LGSN: variants seen among roughly 807,000 people sequenced by gnomAD.
LGSN encodes the protein lengsin.
A neutral mutation model predicts 19.5 loss-of-function variants in LGSN; 21 were observed. The ratio of observed to expected loss-of-function variants is 1.07; its 90% CI spans 0.76 to 1.55. The LOEUF is 1.55. Ranked by LOEUF, LGSN falls within the 40% of genes most tolerant of loss-of-function variation. The probability of loss-of-function intolerance (pLI) is 0.00; values close to 1 mark genes in which losing one functional copy is unlikely to be tolerated. For synonymous variants in LGSN, 257 were observed against 215.6 expected, an observed-to-expected ratio of 1.19 and a Z score of -1.68; for missense variants, 673 against 608.5, an observed-to-expected ratio of 1.11 and a Z score of -1.12.
the LGSN span, among the ~76,000 whole-genome samples, chr6:63,409,929 G>A: frequency 1.2e-4 from 19 of 152,142 alleles, no homozygotes; most frequent in African/African-American, 2.4e-4. Flanking sequence ...CCAGCTATTC[G>A]GGAGGCTGAG....
At chr6:63,412,526 G>GA in the LGSN span, among the ~76,000 whole-genome samples, 6,213 of 75,114 alleles carry the variant, frequency 0.083, 194 homozygotes, top group East Asian at 0.11. Context: ...AAGAAAGAAA[G>GA]AAGGAAAGAA....
At chr6:63,432,374 C>A in the LGSN span, among the ~76,000 whole-genome samples, 1 of 152,012 alleles carries the variant, frequency 6.6e-6, no homozygotes, top group Non-Finnish European at 1.5e-5. Context: ...ATAGATAGGG[C>A]TGCTATGTGT....
At chr6:63,412,432 A>AAGAGAGAG in the LGSN span, among the ~76,000 whole-genome samples, 2 of 138,208 alleles carry the variant, frequency 1.4e-5, no homozygotes, top group Admixed American at 1.5e-4. Flanking sequence ...GAAAGAAAGA[A>AAGAGAGAG]AGAAAGAAAG....
At chr6:63,455,085 G>A in the LGSN span, among the ~76,000 whole-genome samples, 11 of 152,224 alleles carry the variant, frequency 7.2e-5, no homozygotes, top group East Asian at 1.2e-3. Context: ...GAGCCACCAC[G>A]CCTGGCCAAG....
the LGSN span, among the ~76,000 whole-genome samples, chr6:63,477,036 C>A: frequency 6.6e-6 from 1 of 152,140 alleles, no homozygotes; most frequent in Non-Finnish European, 1.5e-5. Flanking sequence ...AAAATAAGTT[C>A]TCTTTTTAAA....
chr6:63,335,012 A>C, the LGSN span, among the ~76,000 whole-genome samples: 3 of 151,964 alleles, frequency 2.0e-5, no homozygotes, highest in Non-Finnish European at 4.4e-5. Flanking sequence ...GCATGGTGGC[A>C]GGTGCCTGTA....
chr6:63,567,844 A>C, the LGSN span, among the ~76,000 whole-genome samples: 1 of 152,212 alleles, frequency 6.6e-6, no homozygotes, highest in Admixed American at 6.5e-5. Flanking sequence ...AAATCTTCTC[A>C]ATAACTTGCT....
chr6:63,557,330 C>T, the LGSN span, among the ~76,000 whole-genome samples: 2 of 152,084 alleles, frequency 1.3e-5, no homozygotes, highest in Non-Finnish European at 2.9e-5. Context: ...CTTTGGGAGG[C>T]CAATGCAGGT....
chr6:63,546,705 T>G, the LGSN span, among the ~76,000 whole-genome samples: 1 of 148,636 alleles, frequency 6.7e-6, no homozygotes, highest in Non-Finnish European at 1.5e-5. Flanking sequence ...AAACTCCATC[T>G]CAAAAAAAAA....
At chr6:63,540,562 A>C in the LGSN span, among the ~76,000 whole-genome samples, 1 of 152,144 alleles carries the variant, frequency 6.6e-6, no homozygotes, top group Non-Finnish European at 1.5e-5. Context: ...CGGAGGTTGC[A>C]GTAAGCCAAG....
At chr6:63,571,340 A>G in the LGSN span, 1 of 152,240 alleles carries the variant, frequency 6.6e-6, no homozygotes, top group South Asian at 2.1e-4. Context: ...AATAACAAAC[A>G]AAAGGCTTCA....
the LGSN span, among the ~76,000 whole-genome samples, chr6:63,489,846 A>G: frequency 6.6e-6 from 1 of 151,996 alleles, no homozygotes; most frequent in Non-Finnish European, 1.5e-5. Flanking sequence ...AGTAACTGAG[A>G]TTACAGACGC....
the LGSN span, among the ~76,000 whole-genome samples, chr6:63,529,794 A>C: frequency 2.6e-5 from 4 of 152,160 alleles, no homozygotes; most frequent in African/African-American, 9.7e-5. Flanking sequence ...TCACCTACCC[A>C]CATCCTATAT....
chr6:63,429,400 T>TG, the LGSN span, among the ~76,000 whole-genome samples: 1 of 152,138 alleles, frequency 6.6e-6, no homozygotes, highest in African/African-American at 2.4e-5. Context: ...ATATATGAAT[T>TG]GGACCAGCCG....
intron 1 of LGSN, among the ~76,000 whole-genome samples, chr6:63,298,592 T>A (rs1488581067): frequency 6.6e-6 from 1 of 152,194 alleles, no homozygotes; most frequent in East Asian, 1.9e-4. Context: ...ATTTTCAATA[T>A]AAAAATGGAA....
the LGSN span, among the ~76,000 whole-genome samples, chr6:63,504,207 G>T: frequency 6.6e-6 from 1 of 150,382 alleles, no homozygotes; most frequent in Non-Finnish European, 1.5e-5. Context: ...GGCGATCTCG[G>T]CTCACTGAAG....
the LGSN span, among the ~76,000 whole-genome samples, chr6:63,565,736 C>A: frequency 6.6e-6 from 1 of 152,180 alleles, no homozygotes; most frequent in Non-Finnish European, 1.5e-5. Flanking sequence ...TTGGAAATTT[C>A]TGTGTCTAAA....
chr6:63,304,410 T>G (rs1227178210), intron 1 of LGSN, among the ~76,000 whole-genome samples: 1 of 152,196 alleles, frequency 6.6e-6, no homozygotes, highest in Non-Finnish European at 1.5e-5. Context: ...TTCTTTAAAT[T>G]CTCTTGCTAA....
chr6:63,510,924 C>T, the LGSN span, among the ~76,000 whole-genome samples: 116 of 152,232 alleles, frequency 7.6e-4, no homozygotes, highest in African/African-American at 2.6e-3. Context: ...ATCATCCTGC[C>T]TCTGCCTCTC....
Sources: allele counts gnomAD v4.1 joint callset (sites outside exome capture counted in the v4.1 genomes callset), GRCh38; gene constraint gnomAD v4.1.1; transcripts MANE v1.5; gene names NCBI Gene and HGNC (gene_info 2026-07-23, HGNC 2026-07-21).